DGKD: variants seen among roughly 807,000 people sequenced by gnomAD.
The protein encoded by DGKD is DAG kinase delta.
DGKD carries 68 observed loss-of-function variants against 154.4 expected under a neutral mutation model. The observed-to-expected ratio is 0.44, with a 90% CI of 0.36 to 0.54. DGKD has a LOEUF of 0.54. Ranked by LOEUF, DGKD falls within the 20% of genes least tolerant of loss-of-function variation. DGKD has a pLI of 0.00. For missense variants in DGKD, 1,343 were observed against 1,593.6 expected (o/e 0.84, Z 2.68); for synonymous variants, 693 against 638.0 (o/e 1.09, Z -1.30).
At chr2:233,455,250 CA>C (rs947720624) in intron 19 of DGKD, among the ~76,000 whole-genome samples, 4 of 152,228 alleles carry the variant, frequency 2.6e-5, no homozygotes, top group Non-Finnish European at 5.9e-5. Context: ...TGTTCATCAC[CA>C]CCCTAGCTGG....
intron 1 of DGKD, among the ~76,000 whole-genome samples, chr2:233,365,234 T>C (rs1701964841): frequency 6.8e-6 from 1 of 146,848 alleles, no homozygotes; most frequent in Admixed American, 6.8e-5. Flanking sequence ...GAACGGAACT[T>C]TTTTTTTTTT....
At chr2:233,468,025 A>C (rs2063880866) in intron 28 of DGKD, among the ~76,000 whole-genome samples, 1 of 151,812 alleles carries the variant, frequency 6.6e-6, no homozygotes, top group Non-Finnish European at 1.5e-5. Flanking sequence ...GTGGTGGTAA[A>C]TCCCTCCTGG....
Position 233,469,829 on chromosome 2 carries a change from G to A in DGKD, c.*369G>A, listed in dbSNP as rs185429089. The A allele has an allele frequency of 2.8e-5, 6 of 210,924 alleles. No homozygotes were observed. The highest frequency in any genetic ancestry group is 1.1e-4 in the Admixed American group (2 of 18,110). The allele number at this position is 210,924 out of a possible 1,614,324, so 13.1% of individuals were successfully genotyped here. On this transcript the variant is annotated 3_prime_UTR_variant, in exon 30 of 30. Transcript: ENST00000264057. ...CCTGGCCTCGTGCTTGGATTGTCCC[G>A]GGGGCTCCTCTCCGTGTGTCCTTCT...
chr2:233,444,630 C>T (rs2063004553), intron 10 of DGKD, among the ~76,000 whole-genome samples: 1 of 147,664 alleles, frequency 6.8e-6, no homozygotes, highest in Non-Finnish European at 1.5e-5. Context: ...GGGCACCCTT[C>T]AGCACTGGGT....
rs1201339795 is a variant in DGKD at position 233,382,978 on chromosome 2, AT to A, written c.157-5275del. Among the ~76,000 whole-genome samples, 3 of 146,386 alleles carry A rather than the reference AT, an allele frequency of 2.0e-5. No individual in the cohort carries two copies. The East Asian group carries it at 6.1e-4, about 30-fold the overall frequency. On this transcript the variant is annotated intron_variant, in intron 1 of 29. Transcript: ENST00000264057. ...AAATGCCGGTTCACACTTTTTACCTATTTTCTCTTTGGTGGTTTTTCTTTTT... is the reference window on the plus strand; with the variant it reads ...AAATGCCGGTTCACACTTTTTACCTATTTCTCTTTGGTGGTTTTTCTTTTT...
In DGKD at chr2:233,438,147, G is replaced by A; in HGVS notation, c.923-70G>A. ...TCCTTTGGGGGGGTCTGCTGCTGCT[G>A]ATTCCATCAGTGGTGCCCTCAGCGT... On this transcript the variant is annotated intron_variant, in intron 8 of 29. Transcript: ENST00000264057. The surrounding 1 kb of genome is among the most constrained non-coding windows in gnomAD (Gnocchi z 4.1). 1 of 1,551,748 alleles carries A rather than the reference G, an allele frequency of 6.4e-7. No individual in the cohort carries two copies. The highest frequency in any genetic ancestry group is 8.8e-7 in the Non-Finnish European group (1 of 1,140,540).
In DGKD at chr2:233,469,607, G is replaced by A. The variant is rs751232800; in HGVS notation, c.*147G>A. The A allele has an allele frequency of 1.8e-5, 12 of 665,768 alleles. No homozygotes were observed. Among genetic ancestry groups the A allele is most frequent in the Non-Finnish European group, 2.8e-5 (11 of 388,356 alleles). The allele number at this position is 665,768 out of a possible 1,614,324, so 41.2% of individuals were successfully genotyped here. A position where few individuals can be genotyped will look rare whatever the true frequency, so the allele number is the denominator to read the frequency against. On this transcript the variant is annotated 3_prime_UTR_variant, in exon 30 of 30. Coordinates refer to ENST00000264057, the MANE Select transcript of DGKD (RefSeq NM_152879.3). ...CCCTTCTCATGGTGCTACTTCCTCT[G>A]TCAGCTACAGAAAGCCTCCGTGACA...
intron 17 of DGKD, among the ~76,000 whole-genome samples, chr2:233,451,431 G>C (rs1368534248): frequency 6.6e-6 from 1 of 152,158 alleles, no homozygotes; most frequent in Non-Finnish European, 1.5e-5. Flanking sequence ...GGGAGGGTGA[G>C]GTCCTGGCCG....
intron 3 of DGKD, among the ~76,000 whole-genome samples, chr2:233,398,457 A>G (rs1559503448): frequency 6.6e-6 from 1 of 151,608 alleles, no homozygotes; most frequent in Non-Finnish European, 1.5e-5. Context: ...TAGGTAAAAT[A>G]TTTTTTAAAA....
intron 7 of DGKD, 120 bp downstream of exon 7, chr2:233,436,561 C>A: frequency 7.2e-7 from 1 of 1,389,128 alleles, no homozygotes; most frequent in Non-Finnish European, 9.5e-7. Flanking sequence ...GAGGCCCCTC[C>A]GGCTGAGAGT....
intron 3 of DGKD, 47 bp downstream of exon 3, chr2:233,390,530 C>T: frequency 1.3e-6 from 2 of 1,484,088 alleles, no homozygotes; most frequent in Non-Finnish European, 1.9e-6. Flanking sequence ...CTGAAGTTGG[C>T]TTTCCTTTTT....
chr2:233,368,615 T>C (rs982287247), intron 1 of DGKD, among the ~76,000 whole-genome samples: 1 of 152,216 alleles, frequency 6.6e-6, no homozygotes, highest in South Asian at 2.1e-4. Context: ...TAATTACCAA[T>C]GTTCGAGGTA....
At chr2:233,463,460 G>A (rs1389612260) in intron 26 of DGKD, among the ~76,000 whole-genome samples, 10 of 106,792 alleles carry the variant, frequency 9.4e-5, no homozygotes, top group African/African-American at 4.2e-4. Flanking sequence ...CTCACTCCAC[G>A]CATGTCCTCA....
At chr2:233,436,473 G>A in intron 7 of DGKD, 32 bp downstream of exon 7, 1 of 1,602,080 alleles carries the variant, frequency 6.2e-7, no homozygotes, top group Non-Finnish European at 8.5e-7. Flanking sequence ...GGGCTGGAGG[G>A]GAGGGCTTGC....
chr2:233,454,838 T>A lies in DGKD; in HGVS notation c.2340T>A (p.Phe780Leu), dbSNP rs765697911. The change falls in exon 19 of 30, where the codon TTT becomes TTA. Residue 780 changes from phenylalanine (F) to leucine (L), a missense_variant. Phe to Leu is a conservative substitution (Grantham distance 22). Transcript: ENST00000264057. The part of the protein sequence containing the change: ...IGLDAKISLD[F>L]NNKRDEHPEK... ...TGGATGCGAAGATATCCCTGGACTT[T>A]AACAACAAGCGCGATGAGCACCCAG... 1 of 1,614,028 alleles carries A rather than the reference T, an allele frequency of 6.2e-7. No homozygotes were observed. Among genetic ancestry groups the A allele is most frequent in the Non-Finnish European group, 8.5e-7 (1 of 1,179,894 alleles).
intron 16 of DGKD, among the ~76,000 whole-genome samples, 155 bp from the exon 17 acceptor site, chr2:233,450,767 C>T (rs1205328966): frequency 2.0e-5 from 3 of 152,206 alleles, no homozygotes; most frequent in Non-Finnish European, 1.5e-5. Flanking sequence ...CTCGGTCCTC[C>T]GCCCCCTTCT....
At chr2:233,399,674 G>A (rs1026507820) in intron 3 of DGKD, among the ~76,000 whole-genome samples, 1 of 152,164 alleles carries the variant, frequency 6.6e-6, no homozygotes, top group African/African-American at 2.4e-5. Context: ...TCAGAGCTGT[G>A]GGAAGCCATT....
chr2:233,390,129 TCTCTCTCTTTCTTC>T (rs1703493942), intron 2 of DGKD, among the ~76,000 whole-genome samples: 1 of 152,168 alleles, frequency 6.6e-6, no homozygotes, highest in African/African-American at 2.4e-5. Context: ...TTGCTTTGGT[TCTCTCTCTTTCTTC>T]CTTCACTAAT....
At chr2:233,376,000 A>G (rs1702557034) in intron 1 of DGKD, among the ~76,000 whole-genome samples, 1 of 152,192 alleles carries the variant, frequency 6.6e-6, no homozygotes, top group Non-Finnish European at 1.5e-5. Context: ...ACATTTATTG[A>G]AACAGAGTGA....
Sources: allele counts gnomAD v4.1 joint callset (sites outside exome capture counted in the v4.1 genomes callset), GRCh38; gene constraint gnomAD v4.1.1; non-coding constraint Gnocchi (gnomAD v3.1); transcripts MANE v1.5; gene names NCBI Gene and HGNC (gene_info 2026-07-23, HGNC 2026-07-21).